NRG3: variants seen among roughly 807,000 people sequenced by gnomAD.
NRG3 encodes the protein pro-neuregulin-3, membrane-bound isoform.
NRG3 carries 31 observed loss-of-function variants against 66.9 expected under a neutral mutation model. The observed-to-expected ratio is 0.46, with a 90% CI of 0.35 to 0.63. The LOEUF is 0.63. Among genes scored for constraint, NRG3 ranks in the 20% least tolerant of loss-of-function variants. NRG3 has a pLI of 0.00. For missense variants in NRG3, 910 were observed against 878.9 expected (o/e 1.04, Z -0.45); for synonymous variants, 393 against 359.4 (o/e 1.09, Z -1.06).
intron 2 of NRG3, among the ~76,000 whole-genome samples, chr10:82,645,176 C>A (rs1165101006): frequency 6.6e-6 from 1 of 151,960 alleles, no homozygotes; most frequent in Admixed American, 6.6e-5. Context: ...TATATGATAC[C>A]AGATACCCTT....
chr10:82,445,091 G>C (rs552316722), intron 2 of NRG3, among the ~76,000 whole-genome samples: 1 of 151,466 alleles, frequency 6.6e-6, no homozygotes, highest in Admixed American at 6.6e-5. Flanking sequence ...AAGGTCTAAG[G>C]TTCTTCTTTT....
At chr10:82,653,130 T>G in intron 2 of NRG3, among the ~76,000 whole-genome samples, 1 of 152,210 alleles carries the variant, frequency 6.6e-6, no homozygotes, top group East Asian at 1.9e-4. Flanking sequence ...ACAAGTGGCT[T>G]GTTAAAGCTG....
intron 2 of NRG3, among the ~76,000 whole-genome samples, chr10:82,702,837 T>A (rs569494533): frequency 6.6e-6 from 1 of 152,292 alleles, no homozygotes; most frequent in African/African-American, 2.4e-5. Flanking sequence ...TTGTATCAGA[T>A]GTACATAAAT....
At chr10:82,245,166 C>G (rs2077179350) in intron 1 of NRG3, among the ~76,000 whole-genome samples, 1 of 152,140 alleles carries the variant, frequency 6.6e-6, no homozygotes, top group South Asian at 2.1e-4. Context: ...AGGGTTCCAT[C>G]TGTGGGGGAT....
chr10:81,948,967 T>C (rs889337201), intron 1 of NRG3, among the ~76,000 whole-genome samples: 4 of 152,190 alleles, frequency 2.6e-5, no homozygotes, highest in Non-Finnish European at 5.9e-5. Flanking sequence ...GAACATTTCC[T>C]TGTGGAGCTT....
At chr10:81,983,462 T>C (rs1245250813) in intron 1 of NRG3, among the ~76,000 whole-genome samples, 1 of 152,164 alleles carries the variant, frequency 6.6e-6, no homozygotes, top group Admixed American at 6.5e-5. Flanking sequence ...GGTGCCAGAC[T>C]GTTTTCTTTT....
At chr10:82,061,774 C>T (rs1357062019) in intron 1 of NRG3, among the ~76,000 whole-genome samples, 1 of 151,388 alleles carries the variant, frequency 6.6e-6, no homozygotes, top group Non-Finnish European at 1.5e-5. Context: ...TGCTCTCTTC[C>T]CTCCTTCACC....
intron 1 of NRG3, among the ~76,000 whole-genome samples, chr10:82,325,140 A>G (rs1332353319): frequency 6.6e-6 from 1 of 151,562 alleles, no homozygotes; most frequent in Non-Finnish European, 1.5e-5. Flanking sequence ...GTGTTTACCC[A>G]TCCCTTTATC....
At chr10:82,826,823 G>A (rs533116043) in intron 3 of NRG3, among the ~76,000 whole-genome samples, 1 of 151,932 alleles carries the variant, frequency 6.6e-6, no homozygotes, top group Admixed American at 6.6e-5. Flanking sequence ...TTACCACCTG[G>A]GAGAGGACAT....
intron 2 of NRG3, among the ~76,000 whole-genome samples, chr10:82,408,431 A>T (rs529532125): frequency 2.6e-5 from 4 of 152,176 alleles, no homozygotes; most frequent in African/African-American, 9.6e-5. Context: ...AGATGAATGT[A>T]CCTTTTTCAG....
chr10:82,624,221 C>T (rs1257206732), intron 2 of NRG3, among the ~76,000 whole-genome samples: 1 of 152,086 alleles, frequency 6.6e-6, no homozygotes, highest in Non-Finnish European at 1.5e-5. Flanking sequence ...CTTAGTATGA[C>T]TTGAAAATAG....
chr10:82,774,849 G>A (rs2059849554), intron 3 of NRG3, among the ~76,000 whole-genome samples: 1 of 104,000 alleles, frequency 9.6e-6, no homozygotes, highest in Admixed American at 1.1e-4. Flanking sequence ...TTTTGAGATG[G>A]AGTCTTACTC....
chr10:82,819,551 T>C (rs2061857128), intron 3 of NRG3, among the ~76,000 whole-genome samples: 1 of 152,132 alleles, frequency 6.6e-6, no homozygotes, highest in Non-Finnish European at 1.5e-5. Context: ...GGAAAAAATA[T>C]CCATTACAGC....
At chr10:82,688,170 A>C (rs1340978462) in intron 2 of NRG3, among the ~76,000 whole-genome samples, 1 of 152,224 alleles carries the variant, frequency 6.6e-6, no homozygotes, top group East Asian at 1.9e-4. Context: ...CCTCAGTCAT[A>C]GCTATTTACT....
chr10:82,982,965 C>T (rs1853077616), intron 8 of NRG3, among the ~76,000 whole-genome samples: 1 of 152,152 alleles, frequency 6.6e-6, no homozygotes, highest in South Asian at 2.1e-4. Context: ...GAGAAGAACC[C>T]TCAAAGTTTG....
chr10:82,329,348 T>C (rs2135249522), intron 1 of NRG3, among the ~76,000 whole-genome samples: 1 of 152,158 alleles, frequency 6.6e-6, no homozygotes, highest in African/African-American at 2.4e-5. Flanking sequence ...GCAAGTTTTT[T>C]TTTCTTTTGC....
At position 82,739,538 on chromosome 10, in the gene NRG3, T is replaced by C. The variant is rs978913767; in HGVS notation, c.1027+888T>C. Reference sequence around the variant, plus strand: ...GGACAGAGGTCGCCCTGCCTGTGTCTGTGCGTTTTGCTGCATAATGAACGT... The same window carrying C: ...GGACAGAGGTCGCCCTGCCTGTGTCCGTGCGTTTTGCTGCATAATGAACGT... On this transcript the variant is annotated intron_variant, in intron 3 of 8. Coordinates refer to ENST00000372141, the MANE Select transcript of NRG3 (RefSeq NM_001010848.4). Among the ~76,000 whole-genome samples, 4 of 152,252 alleles carry C rather than the reference T, an allele frequency of 2.6e-5. No individual in the cohort carries two copies. In the East Asian group the frequency reaches 7.7e-4, roughly 29 times the overall value.
chr10:82,235,366 C>A (rs764629970), intron 1 of NRG3, among the ~76,000 whole-genome samples: 7 of 152,186 alleles, frequency 4.6e-5, no homozygotes, highest in Non-Finnish European at 1.0e-4. Flanking sequence ...CTTCTTTATT[C>A]TGAGCCTTAG....
chr10:82,123,809 C>G lies in NRG3; in HGVS notation c.824-234930C>G, dbSNP rs553000559. Reference sequence around the variant, plus strand: ...ACCTTAAAAGGTATAAATGCCTGGTCCCACCCCAGAGCTCTGGAGCATCTG... The same window carrying G: ...ACCTTAAAAGGTATAAATGCCTGGTGCCACCCCAGAGCTCTGGAGCATCTG... On this transcript the variant is annotated intron_variant, in intron 1 of 8. Transcript: ENST00000372141. 1.1e-4 allele frequency among the ~76,000 whole-genome samples: 16 copies of G among 149,842 alleles called. No individual in the cohort carries two copies. The South Asian group carries it at 3.3e-3, about 31-fold the overall frequency.
Sources: gnomAD v4.1 joint callset for allele counts (sites outside exome capture counted in the v4.1 genomes callset) on GRCh38, gnomAD v4.1.1 for gene constraint, MANE v1.5 for transcripts, NCBI Gene and HGNC (gene_info 2026-07-23, HGNC 2026-07-21) for gene names.